RIMS2: variants seen among roughly 807,000 people sequenced by gnomAD.
RIMS2 encodes the protein regulating synaptic membrane exocytosis protein 2.
In RIMS2, 59 loss-of-function variants were observed where a neutral mutation model predicts 174.4. That is an observed-to-expected ratio of 0.34 (90% CI 0.27 to 0.42). The LOEUF (loss-of-function observed/expected upper bound fraction) is 0.42, where lower values mean the gene tolerates loss of function less well. RIMS2 is among the 10% of genes least tolerant of loss of function. RIMS2 has a pLI of 1.00. For synonymous variants in RIMS2, 606 were observed against 572.5 expected (o/e 1.06, Z -0.84); for missense variants, 1,620 against 1,666.3 (o/e 0.97, Z 0.48).
At chr8:103,885,753 T>A (rs746301096) in exon 4 of RIMS2, 1 of 1,613,006 alleles carries the variant, frequency 6.2e-7, no homozygotes, top group Admixed American at 1.7e-5. Flanking sequence ...AGGATTTCTA[T>A]GCTAAGGATG....
At chr8:103,754,122 C>T (rs1357242029) in intron 2 of RIMS2, among the ~76,000 whole-genome samples, 5 of 152,084 alleles carry the variant, frequency 3.3e-5, no homozygotes, top group Non-Finnish European at 4.4e-5. Context: ...GATTCTGGTA[C>T]GTTGTTTCTT....
At position 103,958,054 on chromosome 8, in the gene RIMS2, A is replaced by G. The variant is rs568772459; in HGVS notation, c.2702-3011A>G. On this transcript the variant is annotated intron_variant, in intron 14 of 23. Coordinates refer to ENST00000504942, the Ensembl canonical transcript of RIMS2. The stretch of plus-strand genomic sequence containing the variant: ...TGACCCAGCAATCCCATTACTGGGT[A>G]TATTCCCAGGTGAATATAAATCATT... 5.9e-4 allele frequency among the ~76,000 whole-genome samples: 90 copies of G among 152,330 alleles called. No individual in the cohort carries two copies. In the South Asian group the frequency reaches 0.018, roughly 30 times the overall value.
At chr8:103,941,397 G>A (rs907867631) in intron 13 of RIMS2, among the ~76,000 whole-genome samples, 1 of 152,080 alleles carries the variant, frequency 6.6e-6, no homozygotes, top group Non-Finnish European at 1.5e-5. Context: ...TGAGGTGGGA[G>A]AATTGCTTTA....
At chr8:103,681,819 G>A (rs2096883966) in intron 1 of RIMS2, among the ~76,000 whole-genome samples, 2 of 152,078 alleles carry the variant, frequency 1.3e-5, no homozygotes, top group African/African-American at 4.8e-5. Flanking sequence ...TAGATTGAAG[G>A]GAAGAAGCAT....
intron 1 of RIMS2, among the ~76,000 whole-genome samples, chr8:103,607,473 G>A (rs78927638): frequency 0.37 from 55,839 of 149,698 alleles, 10,801 homozygotes; most frequent in African/African-American, 0.4. Context: ...TCTGACAATT[G>A]TGTTCTTGGA....
chr8:104,233,258 C>T (rs890910383), intron 19 of RIMS2, among the ~76,000 whole-genome samples: 1 of 152,112 alleles, frequency 6.6e-6, no homozygotes, highest in African/African-American at 2.4e-5. Context: ...TCCGGCTGGT[C>T]GAAATCTAGA....
chr8:103,717,805 G>A (rs2097392410), intron 2 of RIMS2, among the ~76,000 whole-genome samples: 1 of 152,064 alleles, frequency 6.6e-6, no homozygotes, highest in Non-Finnish European at 1.5e-5. Flanking sequence ...TGTTCAATAG[G>A]ACTTTCAGCA....
chr8:103,737,055 G>A (rs2097693340), intron 2 of RIMS2, among the ~76,000 whole-genome samples: 1 of 151,436 alleles, frequency 6.6e-6, no homozygotes, highest in South Asian at 2.1e-4. Context: ...TGTTTCCTTA[G>A]ATATGTAATA....
At chr8:103,825,976 T>C (rs941733691) in intron 3 of RIMS2, among the ~76,000 whole-genome samples, 1 of 152,196 alleles carries the variant, frequency 6.6e-6, no homozygotes, top group African/African-American at 2.4e-5. Flanking sequence ...AAGTTTATAG[T>C]GGCATCCTCT....
At chr8:103,750,183 GA>G (rs1046247008) in intron 2 of RIMS2, among the ~76,000 whole-genome samples, 38 of 149,004 alleles carry the variant, frequency 2.6e-4, no homozygotes, top group African/African-American at 6.9e-4. Flanking sequence ...TTTCCCCTAA[GA>G]AAAAAAAATT....
At chr8:103,784,437 A>AT (rs2098421542) in intron 3 of RIMS2, among the ~76,000 whole-genome samples, 1 of 140,776 alleles carries the variant, frequency 7.1e-6, no homozygotes, top group Admixed American at 7.3e-5. Flanking sequence ...TCTTGAATTG[A>AT]TTTTTGTATA....
At chr8:103,876,429 T>A (rs952115760) in intron 3 of RIMS2, among the ~76,000 whole-genome samples, 1 of 151,686 alleles carries the variant, frequency 6.6e-6, no homozygotes, top group Non-Finnish European at 1.5e-5. Flanking sequence ...TATGAAGAAG[T>A]AGGGTCGTCT....
intron 19 of RIMS2, among the ~76,000 whole-genome samples, chr8:104,194,118 A>G (rs148415830): frequency 1.4e-4 from 21 of 152,256 alleles, no homozygotes; most frequent in Non-Finnish European, 2.9e-4. Flanking sequence ...CCCATGGCAA[A>G]TAATCAGTAT....
chr8:103,916,569 G>T, intron 8 of RIMS2, 32 bp downstream of exon 11: 1 of 1,559,508 alleles, frequency 6.4e-7, no homozygotes, highest in South Asian at 1.2e-5. Flanking sequence ...ATATGTGTGT[G>T]AAGTTGAATA....
At chr8:103,611,939 G>C (rs1173466632) in intron 1 of RIMS2, among the ~76,000 whole-genome samples, 3 of 150,834 alleles carry the variant, frequency 2.0e-5, no homozygotes, top group Non-Finnish European at 4.4e-5. Context: ...CTATTTTCTA[G>C]ATCTTGTAGG....
chr8:103,757,020 A>T (rs955199309), intron 2 of RIMS2, among the ~76,000 whole-genome samples: 3 of 150,942 alleles, frequency 2.0e-5, no homozygotes, highest in South Asian at 2.1e-4. Context: ...TGAGAGAGAG[A>T]GAGAGAGAGA....
chr8:103,737,500 T>TAATTGGTCTTAATTGGTCTG (rs2097701939), intron 2 of RIMS2, among the ~76,000 whole-genome samples: 1 of 152,148 alleles, frequency 6.6e-6, no homozygotes, highest in East Asian at 1.9e-4. Context: ...AATAACTTCT[T>TAATTGGTCTTAATTGGTCTG]AATTGGTCTC....
intron 1 of RIMS2, among the ~76,000 whole-genome samples, chr8:103,513,828 A>G (rs1340804433): frequency 2.6e-5 from 4 of 152,206 alleles, no homozygotes; most frequent in African/African-American, 7.2e-5. Flanking sequence ...TTAAAGGAAA[A>G]ATTGAAAATT....
At chr8:103,553,336 T>G (rs1250576051) in intron 1 of RIMS2, among the ~76,000 whole-genome samples, 1 of 151,986 alleles carries the variant, frequency 6.6e-6, no homozygotes, top group African/African-American at 2.4e-5. Flanking sequence ...CCGAGCAAAC[T>G]ATCACAAGGA....
Sources: allele counts gnomAD v4.1 joint callset (sites outside exome capture counted in the v4.1 genomes callset), GRCh38; gene constraint gnomAD v4.1.1; transcripts MANE v1.5; gene names NCBI Gene and HGNC (gene_info 2026-07-23, HGNC 2026-07-21).